The following SGCZ variants were observed in gnomAD, a reference collection of about 807,000 sequenced individuals.
SGCZ encodes sarcoglycan zeta, also known as zeta-sarcoglycan.
Under a neutral mutation model 41.3 loss-of-function variants are expected in SGCZ, and 40 were observed. The observed-to-expected ratio is 0.97, with a 90% CI of 0.75 to 1.26. SGCZ has a LOEUF of 1.26. Among genes scored for constraint, SGCZ ranks in the 50% most tolerant of loss-of-function variants. The pLI, the probability that SGCZ is intolerant of heterozygous loss-of-function variation, is 0.00. For synonymous variants in SGCZ, 206 were observed against 137.5 expected (o/e 1.50, Z -3.49); for missense variants, 552 against 369.8 (o/e 1.49, Z -4.04).
chr8:14,504,138 TA>T (rs1296934301), intron 2 of SGCZ, among the ~76,000 whole-genome samples: 1 of 152,204 alleles, frequency 6.6e-6, no homozygotes, highest in Non-Finnish European at 1.5e-5. Context: ...CAAATTATGG[TA>T]AACAATGTTA....
At chr8:14,814,258 T>C (rs1445750241) in intron 1 of SGCZ, among the ~76,000 whole-genome samples, 1 of 152,182 alleles carries the variant, frequency 6.6e-6, no homozygotes, top group Non-Finnish European at 1.5e-5. Context: ...GGGACCTGAC[T>C]ACGCCTCTAC....
chr8:14,201,080 A>G (rs1805439939), intron 4 of SGCZ, among the ~76,000 whole-genome samples: 1 of 152,200 alleles, frequency 6.6e-6, no homozygotes, highest in African/African-American at 2.4e-5. Flanking sequence ...AATTAAAACT[A>G]TTAAATACAC....
intron 1 of SGCZ, among the ~76,000 whole-genome samples, chr8:14,615,188 G>A (rs934762585): frequency 8.5e-5 from 13 of 152,166 alleles, no homozygotes; most frequent in African/African-American, 2.9e-4. Flanking sequence ...TAAGCAGGAG[G>A]CCCTTAACCT....
At chr8:15,112,107 GC>G (rs1192761179) in intron 1 of SGCZ, among the ~76,000 whole-genome samples, 2 of 152,072 alleles carry the variant, frequency 1.3e-5, no homozygotes, top group Non-Finnish European at 2.9e-5. Context: ...GAGCATTTCA[GC>G]CTCCAACTAA....
chr8:15,047,460 T>A (rs979783578), intron 1 of SGCZ, among the ~76,000 whole-genome samples: 3 of 152,162 alleles, frequency 2.0e-5, no homozygotes, highest in African/African-American at 7.2e-5. Flanking sequence ...CAAAGATGAT[T>A]TTTGGCAGTA....
intron 1 of SGCZ, among the ~76,000 whole-genome samples, chr8:15,207,797 G>A (rs1409245198): frequency 6.6e-6 from 1 of 152,104 alleles, no homozygotes; most frequent in Non-Finnish European, 1.5e-5. Context: ...AGGGAAAGAA[G>A]GAAATGAAGG....
chr8:14,191,747 T>G (rs182364050), intron 4 of SGCZ, among the ~76,000 whole-genome samples: 1 of 152,288 alleles, frequency 6.6e-6, no homozygotes, highest in African/African-American at 2.4e-5. Context: ...TGAAACATCA[T>G]ACAAATGTTT....
At chr8:14,347,932 A>G (rs1395745209) in intron 2 of SGCZ, among the ~76,000 whole-genome samples, 1 of 152,164 alleles carries the variant, frequency 6.6e-6, no homozygotes, top group African/African-American at 2.4e-5. Context: ...AACTGAGAAT[A>G]TAGCATTAAA....
intron 2 of SGCZ, among the ~76,000 whole-genome samples, chr8:14,344,863 A>G (rs1335824080): frequency 1.3e-5 from 2 of 152,072 alleles, no homozygotes; most frequent in South Asian, 2.1e-4. Flanking sequence ...TCTCAAGTTT[A>G]GGAGAGAACG....
chr8:14,315,401 C>A (rs1485045847), intron 3 of SGCZ, among the ~76,000 whole-genome samples: 1 of 151,998 alleles, frequency 6.6e-6, no homozygotes, highest in Non-Finnish European at 1.5e-5. Context: ...ATTTCTAGTT[C>A]AGCACTATAG....
At chr8:14,208,113 C>G (rs117901446) in intron 4 of SGCZ, among the ~76,000 whole-genome samples, 1 of 152,142 alleles carries the variant, frequency 6.6e-6, no homozygotes, top group Non-Finnish European at 1.5e-5. Flanking sequence ...TTCCTACTAA[C>G]CATGTTTAGC....
intron 2 of SGCZ, among the ~76,000 whole-genome samples, chr8:14,444,929 G>GA (rs1294341204): frequency 2.0e-5 from 3 of 152,174 alleles, no homozygotes; most frequent in African/African-American, 7.2e-5. Context: ...AACCTGCTCT[G>GA]AAAAAAATTT....
At chr8:14,823,031 G>A (rs1802164553) in intron 1 of SGCZ, among the ~76,000 whole-genome samples, 1 of 135,266 alleles carries the variant, frequency 7.4e-6, no homozygotes, top group South Asian at 2.4e-4. Flanking sequence ...TCCAGCCTGG[G>A]CAATGAAGCC....
chr8:14,359,377 A>C (rs948334851), intron 2 of SGCZ, among the ~76,000 whole-genome samples: 16 of 152,156 alleles, frequency 1.1e-4, no homozygotes, highest in African/African-American at 3.9e-4. Flanking sequence ...AGACAAAATG[A>C]ATCTAATAGA....
At chr8:14,398,415 A>G (rs188540055) in intron 2 of SGCZ, among the ~76,000 whole-genome samples, 422 of 150,826 alleles carry the variant, frequency 2.8e-3, no homozygotes, top group African/African-American at 8.3e-3. Flanking sequence ...GGTTCTTTTC[A>G]CTTTTGTCAC....
intron 1 of SGCZ, among the ~76,000 whole-genome samples, chr8:14,663,769 G>T (rs1563187497): frequency 6.6e-6 from 1 of 152,078 alleles, no homozygotes; most frequent in Non-Finnish European, 1.5e-5. Context: ...CTGGAAAAAT[G>T]TCTAAATGAA....
At chr8:14,914,014 C>CATTCTTA (rs1414738355) in intron 1 of SGCZ, among the ~76,000 whole-genome samples, 1 of 151,958 alleles carries the variant, frequency 6.6e-6, no homozygotes, top group African/African-American at 2.4e-5. Context: ...ACAAAATTCA[C>CATTCTTA]ATTCTTAATA....
intron 1 of SGCZ, among the ~76,000 whole-genome samples, chr8:15,039,920 T>C (rs1429599905): frequency 1.3e-5 from 2 of 152,328 alleles, no homozygotes; most frequent in East Asian, 1.9e-4. Context: ...TTTTATTCTG[T>C]TTGGCACACT....
At chr8:14,195,286 G>A (rs910215535) in intron 4 of SGCZ, among the ~76,000 whole-genome samples, 2 of 152,076 alleles carry the variant, frequency 1.3e-5, no homozygotes, top group African/African-American at 4.8e-5. Context: ...ACTACATTGA[G>A]ACGGAGAATA....
Sources: gnomAD v4.1 joint callset for allele counts (sites outside exome capture counted in the v4.1 genomes callset) on GRCh38, gnomAD v4.1.1 for gene constraint, MANE v1.5 for transcripts, NCBI Gene and HGNC (gene_info 2026-07-23, HGNC 2026-07-21) for gene names.